ZNF292: variants seen among roughly 807,000 people sequenced by gnomAD.
ZNF292 encodes the protein zinc finger protein 292.
A neutral mutation model predicts 217.9 loss-of-function variants in ZNF292; 26 were observed. That is an observed-to-expected ratio of 0.12 (90% CI 0.09 to 0.17). The LOEUF (loss-of-function observed/expected upper bound fraction) is 0.17, where lower values mean the gene tolerates loss of function less well. ZNF292 is among the 10% of genes least tolerant of loss of function. The pLI, the probability that ZNF292 is intolerant of heterozygous loss-of-function variation, is 1.00. For missense variants in ZNF292, 2,904 were observed against 3,175.2 expected, an observed-to-expected ratio of 0.91 and a Z score of 2.05; for synonymous variants, 1,257 against 1,124.1, an observed-to-expected ratio of 1.12 and a Z score of -2.37.
Position 87,160,020 on chromosome 6 carries a change from G to C in ZNF292, c.168+4261G>C, listed in dbSNP as rs1432622919. 3.9e-5 allele frequency among the ~76,000 whole-genome samples: 6 copies of C among 152,158 alleles called. No individual in the cohort carries two copies. The East Asian group carries it at 1.2e-3, about 29-fold the overall frequency. On this transcript the variant is annotated intron_variant, in intron 1 of 7. Transcript: ENST00000369577. ...GTTATAATTGGAACCTTTTAGACTA[G>C]TTAATTGTATTAGACTGGGCCAGTA...
At chr6:87,212,403 G>A (rs768394257) in intron 1 of ZNF292, among the ~76,000 whole-genome samples, 10 of 152,140 alleles carry the variant, frequency 6.6e-5, no homozygotes, top group Non-Finnish European at 1.3e-4. Context: ...TGCAAGACTG[G>A]GGGGTGGGGC....
In ZNF292 at chr6:87,195,977, G is replaced by A. The variant is rs191112997; in HGVS notation, c.169-19926G>A. Among the ~76,000 whole-genome samples, 1,434 of 149,660 alleles carry A rather than the reference G, an allele frequency of 9.6e-3. 18 individuals are homozygous for A. The highest frequency in any genetic ancestry group is 0.033 in the African/African-American group (1,339 of 40,530). The stretch of plus-strand genomic sequence containing the variant: ...CAGGAGGTGGAGGTTGCAGTGAGCC[G>A]AGATAGCACCACTGCACTCCAGCCT... On this transcript the variant is annotated intron_variant, in intron 1 of 7. Coordinates refer to ENST00000369577, the MANE Select transcript of ZNF292 (RefSeq NM_015021.3).
chr6:87,200,979 A>G (rs1227681662), intron 1 of ZNF292, among the ~76,000 whole-genome samples: 1 of 152,192 alleles, frequency 6.6e-6, no homozygotes, highest in African/African-American at 2.4e-5. Flanking sequence ...TGGGGAAACA[A>G]GTGTCTCAAC....
intron 1 of ZNF292, among the ~76,000 whole-genome samples, chr6:87,179,702 T>C (rs1582387229): frequency 6.6e-6 from 1 of 152,230 alleles, no homozygotes; most frequent in African/African-American, 2.4e-5. Flanking sequence ...CAATTTAATA[T>C]ACTTTTTTTC....
chr6:87,191,238 C>T (rs1166721695), intron 1 of ZNF292, among the ~76,000 whole-genome samples: 1 of 151,918 alleles, frequency 6.6e-6, no homozygotes, highest in African/African-American at 2.4e-5. Context: ...GAAGAATTGT[C>T]TTGAGCCACA....
At chr6:87,190,412 A>G (rs1049174391) in intron 1 of ZNF292, among the ~76,000 whole-genome samples, 5 of 152,188 alleles carry the variant, frequency 3.3e-5, no homozygotes, top group Non-Finnish European at 7.3e-5. Flanking sequence ...GAAATTTATC[A>G]GGAAATGGAG....
intron 6 of ZNF292, among the ~76,000 whole-genome samples, chr6:87,244,381 G>A (rs1236320708): frequency 6.6e-6 from 1 of 152,180 alleles, no homozygotes; most frequent in African/African-American, 2.4e-5. Context: ...ATTTATCCAG[G>A]ACAAGTGTAA....
intron 1 of ZNF292, among the ~76,000 whole-genome samples, chr6:87,210,976 T>C (rs1021181417): frequency 1.3e-5 from 2 of 152,154 alleles, no homozygotes; most frequent in African/African-American, 4.8e-5. Context: ...ATATATGACT[T>C]CTAAATATTA....
chr6:87,195,778 A>C (rs970523102), intron 1 of ZNF292, among the ~76,000 whole-genome samples: 5 of 152,182 alleles, frequency 3.3e-5, no homozygotes, highest in Non-Finnish European at 4.4e-5. Flanking sequence ...CTGTAATTTT[A>C]GCCCTTTGGG....
At position 87,263,108 on chromosome 6, in the gene ZNF292, C is replaced by T. The variant is rs1483414118; in HGVS notation, c.*1307C>T. The T allele has an allele frequency of 1.3e-5, 2 of 151,860 alleles. No individual in the cohort carries two copies. Among genetic ancestry groups the T allele is most frequent in the East Asian group, 1.9e-4 (1 of 5,198 alleles). The allele number at this position is 151,860 out of a possible 1,614,324, so 9.4% of individuals were successfully genotyped here. ...ATTAGTTATAATTATTTTGGTTATT[C>T]AGTATATAGTTAGCTCTTACAGTTT... On this transcript the variant is annotated 3_prime_UTR_variant, in exon 8 of 8. Transcript: ENST00000369577.
chr6:87,261,226 G>T lies in ZNF292; in HGVS notation c.7597G>T (p.Val2533Phe). The change falls in exon 8 of 8, where the codon GTT becomes TTT. Residue 2533 changes from valine to phenylalanine, a missense_variant. Coordinates refer to ENST00000369577, the MANE Select transcript of ZNF292 (RefSeq NM_015021.3). ...ACAAAAAGCAAGTAATTTGAAGAGA[G>T]TTAATAAGGAAAAAAATGTCTCACA... ...ERQKASNLKRVNKEKNVSQNK... is the reference protein window; with the variant it reads ...ERQKASNLKRFNKEKNVSQNK... The T allele has an allele frequency of 6.2e-7, 1 of 1,610,482 alleles. No homozygotes were observed. Among genetic ancestry groups the T allele is most frequent in the African/African-American group, 1.3e-5 (1 of 74,582 alleles).
At chr6:87,233,609 CTCT>C in intron 5 of ZNF292, 82 bp downstream of exon 5, 1 of 1,537,426 alleles carries the variant, frequency 6.5e-7, no homozygotes. Flanking sequence ...ATTTCCTTTT[CTCT>C]TAGATAGCGA....
intron 1 of ZNF292, among the ~76,000 whole-genome samples, chr6:87,196,329 C>T (rs1354280486): frequency 2.6e-5 from 4 of 152,190 alleles, no homozygotes. Context: ...GTTTCCAATT[C>T]CACTTTCAGC....
At chr6:87,234,743 T>C (rs1017925012) in intron 5 of ZNF292, among the ~76,000 whole-genome samples, 5 of 152,168 alleles carry the variant, frequency 3.3e-5, no homozygotes, top group East Asian at 3.9e-4. Context: ...AATTGAGATA[T>C]AAGACAGAGA....
intron 1 of ZNF292, among the ~76,000 whole-genome samples, chr6:87,210,137 C>A (rs980917818): frequency 1.3e-5 from 2 of 152,108 alleles, no homozygotes; most frequent in African/African-American, 4.8e-5. Flanking sequence ...CTCTTTCTCC[C>A]TAAAGCATGT....
intron 4 of ZNF292, among the ~76,000 whole-genome samples, chr6:87,231,284 A>G (rs939406984): frequency 3.9e-5 from 6 of 152,168 alleles, no homozygotes; most frequent in Non-Finnish European, 5.9e-5. Flanking sequence ...TTACTGCTGT[A>G]AGGTGCCATT....
At chr6:87,205,644 T>C (rs1157738340) in intron 1 of ZNF292, among the ~76,000 whole-genome samples, 1 of 152,168 alleles carries the variant, frequency 6.6e-6, no homozygotes, top group African/African-American at 2.4e-5. Flanking sequence ...CTTGTAGTTA[T>C]GGTTCCTTTC....
At chr6:87,215,446 T>C (rs529880536) in intron 1 of ZNF292, among the ~76,000 whole-genome samples, 57 of 152,328 alleles carry the variant, frequency 3.7e-4, no homozygotes, top group African/African-American at 1.3e-3. Flanking sequence ...TATTTTTTTA[T>C]GGACTGAAAA....
chr6:87,234,581 T>A (rs1481316569), intron 5 of ZNF292, among the ~76,000 whole-genome samples: 9 of 151,986 alleles, frequency 5.9e-5, no homozygotes, highest in African/African-American at 1.9e-4. Flanking sequence ...AAATTTTTTT[T>A]AAAGAAAACC....
Sources: gnomAD v4.1 joint callset for allele counts (sites outside exome capture counted in the v4.1 genomes callset) on GRCh38, gnomAD v4.1.1 for gene constraint, MANE v1.5 for transcripts, NCBI Gene and HGNC (gene_info 2026-07-23, HGNC 2026-07-21) for gene names.